The following PRKG1 variants were observed in gnomAD, a reference collection of about 807,000 sequenced individuals.
PRKG1 encodes protein kinase cGMP-dependent 1.
Under a neutral mutation model 88.1 loss-of-function variants are expected in PRKG1, and 35 were observed. The ratio of observed to expected loss-of-function variants is 0.40; its 90% CI spans 0.30 to 0.53. The LOEUF (loss-of-function observed/expected upper bound fraction) is 0.53. Ranked by LOEUF, PRKG1 falls within the 20% of genes least tolerant of loss-of-function variation. The probability of loss-of-function intolerance (pLI) is 0.59; values close to 1 mark genes in which losing one functional copy is unlikely to be tolerated. For synonymous variants in PRKG1, 303 were observed against 292.5 expected (o/e 1.04, Z -0.37); for missense variants, 540 against 839.8 (o/e 0.64, Z 4.41).
intron 9 of PRKG1, among the ~76,000 whole-genome samples, chr10:52,240,565 AG>A (rs1417871213): frequency 6.6e-6 from 1 of 152,150 alleles, no homozygotes; most frequent in Non-Finnish European, 1.5e-5. Flanking sequence ...TACACCATTC[AG>A]TTTTTTGGCA....
intron 1 of PRKG1, among the ~76,000 whole-genome samples, chr10:51,115,421 AG>A (rs1845097490): frequency 7.2e-6 from 1 of 138,346 alleles, no homozygotes; most frequent in Non-Finnish European, 1.6e-5. Context: ...AGAGAGAGAG[AG>A]AGAGAGAGAG....
At chr10:51,724,176 C>T (rs1285134958) in intron 3 of PRKG1, among the ~76,000 whole-genome samples, 2 of 152,160 alleles carry the variant, frequency 1.3e-5, no homozygotes, top group African/African-American at 4.8e-5. Context: ...CAGTTGTGTA[C>T]ACTATCAGTC....
intron 3 of PRKG1, among the ~76,000 whole-genome samples, chr10:51,748,130 G>A (rs564628377): frequency 6.6e-6 from 1 of 152,280 alleles, no homozygotes; most frequent in African/African-American, 2.4e-5. Context: ...AAATCTACAA[G>A]CTTCCAAATA....
At chr10:51,415,553 T>A (rs1398310377) in intron 2 of PRKG1, among the ~76,000 whole-genome samples, 1 of 152,178 alleles carries the variant, frequency 6.6e-6, no homozygotes, top group East Asian at 1.9e-4. Context: ...AAGGGCTCTC[T>A]ACAGACAGGA....
At chr10:51,894,376 A>T (rs552944543) in intron 4 of PRKG1, among the ~76,000 whole-genome samples, 1 of 152,280 alleles carries the variant, frequency 6.6e-6, no homozygotes, top group East Asian at 1.9e-4. Flanking sequence ...TCATAGAGAG[A>T]GAAAGTAGAC....
intron 7 of PRKG1, among the ~76,000 whole-genome samples, chr10:52,094,798 G>T (rs1213269943): frequency 6.6e-6 from 1 of 152,060 alleles, no homozygotes; most frequent in Admixed American, 6.6e-5. Context: ...CCCATCTTGA[G>T]GACCCTACTA....
intron 3 of PRKG1, among the ~76,000 whole-genome samples, chr10:51,672,889 A>C (rs766863755): frequency 6.6e-6 from 1 of 152,200 alleles, no homozygotes. Context: ...TGATGATCTT[A>C]TAAGTTTTCC....
At chr10:51,396,419 G>A (rs550233354) in intron 2 of PRKG1, among the ~76,000 whole-genome samples, 1 of 152,012 alleles carries the variant, frequency 6.6e-6, no homozygotes, top group African/African-American at 2.4e-5. Context: ...GAGAGAAAGG[G>A]ATACAAGTTG....
chr10:51,987,268 T>C (rs140900676), intron 5 of PRKG1, among the ~76,000 whole-genome samples: 5 of 151,814 alleles, frequency 3.3e-5, no homozygotes, highest in African/African-American at 1.2e-4. Flanking sequence ...GTATGTACTT[T>C]TGTGAAGCCA....
intron 3 of PRKG1, among the ~76,000 whole-genome samples, chr10:51,587,063 T>C (rs1838191043): frequency 6.6e-6 from 1 of 152,150 alleles, no homozygotes; most frequent in African/African-American, 2.4e-5. Context: ...CACTGTGTCC[T>C]TTAATATTCA....
intron 9 of PRKG1, among the ~76,000 whole-genome samples, chr10:52,174,740 T>C (rs1232728828): frequency 2.0e-5 from 3 of 152,012 alleles, no homozygotes; most frequent in African/African-American, 7.2e-5. Flanking sequence ...CCCAGCGACA[T>C]GTATTTCCAA....
At chr10:52,035,049 C>T (rs1374078978) in intron 5 of PRKG1, among the ~76,000 whole-genome samples, 1 of 152,108 alleles carries the variant, frequency 6.6e-6, no homozygotes, top group African/African-American at 2.4e-5. Context: ...ATACTAAGAG[C>T]CTGAAAAACT....
chr10:51,563,777 A>G (rs923136271), intron 3 of PRKG1, among the ~76,000 whole-genome samples: 10 of 152,174 alleles, frequency 6.6e-5, no homozygotes, highest in African/African-American at 2.2e-4. Flanking sequence ...AACAAATACT[A>G]ATCTCGGCCA....
chr10:51,359,024 CT>C (rs1403228696), intron 2 of PRKG1, among the ~76,000 whole-genome samples: 1 of 150,890 alleles, frequency 6.6e-6, no homozygotes, highest in Non-Finnish European at 1.5e-5. Context: ...GTTGAAATGA[CT>C]ATAAATTTAT....
chr10:51,175,592 G>A (rs1280568036), intron 2 of PRKG1, among the ~76,000 whole-genome samples: 2 of 151,968 alleles, frequency 1.3e-5, no homozygotes, highest in African/African-American at 2.4e-5. Context: ...CAAGGCCAGA[G>A]TCAACACCAT....
intron 2 of PRKG1, among the ~76,000 whole-genome samples, chr10:51,451,272 A>G (rs778608418): frequency 1.1e-5 from 1 of 94,806 alleles, no homozygotes; most frequent in Non-Finnish European, 2.1e-5. Context: ...ATTGTCATAC[A>G]GTAAGTAAAC....
chr10:52,233,355 G>T (rs549509980), intron 9 of PRKG1, among the ~76,000 whole-genome samples: 1 of 151,954 alleles, frequency 6.6e-6, no homozygotes, highest in South Asian at 2.1e-4. Flanking sequence ...AGCTCCCAGC[G>T]TGAGCGACGC....
intron 2 of PRKG1, among the ~76,000 whole-genome samples, chr10:51,373,259 A>C (rs1842740420): frequency 6.6e-6 from 1 of 152,188 alleles, no homozygotes; most frequent in South Asian, 2.1e-4. Context: ...ACACAAAGTT[A>C]TTATTTCACA....
At chr10:51,169,031 A>G (rs1351079459) in intron 2 of PRKG1, among the ~76,000 whole-genome samples, 21 of 152,090 alleles carry the variant, frequency 1.4e-4, no homozygotes, top group Non-Finnish European at 1.0e-4. Flanking sequence ...TTGAAATTTT[A>G]TTTTTTTGTA....
Sources: allele counts gnomAD v4.1 joint callset (sites outside exome capture counted in the v4.1 genomes callset), GRCh38; gene constraint gnomAD v4.1.1; transcripts MANE v1.5; gene names NCBI Gene and HGNC (gene_info 2026-07-23, HGNC 2026-07-21).